Variants in RPTOR observed in about 807,000 individuals in gnomAD.
RPTOR encodes the protein regulatory associated protein of MTOR complex 1.
RPTOR carries 21 observed loss-of-function variants against 169.9 expected under a neutral mutation model. That is an observed-to-expected ratio of 0.12 (90% CI 0.09 to 0.18). RPTOR has a LOEUF of 0.18. Ranked by LOEUF, RPTOR falls within the 10% of genes least tolerant of loss-of-function variation. The pLI is 1.00. For synonymous variants in RPTOR, 732 were observed against 753.2 expected (o/e 0.97, Z 0.46); for missense variants, 1,133 against 1,855.9 (o/e 0.61, Z 7.16).
intron 21 of RPTOR, among the ~76,000 whole-genome samples, chr17:80,917,064 C>G (rs1181222433): frequency 6.6e-6 from 1 of 151,858 alleles, no homozygotes; most frequent in Admixed American, 6.6e-5. Context: ...CATCCTAAGC[C>G]TGATGCCTGG....
intron 7 of RPTOR, among the ~76,000 whole-genome samples, chr17:80,808,048 G>A (rs1260813172): frequency 6.6e-6 from 1 of 152,024 alleles, no homozygotes. Context: ...TAATCTTAAT[G>A]CTTTGGAAAG....
intron 1 of RPTOR, among the ~76,000 whole-genome samples, chr17:80,592,963 T>G (rs149355239): frequency 1.3e-4 from 20 of 152,296 alleles, no homozygotes; most frequent in African/African-American, 4.6e-4. Context: ...CATGATAGCC[T>G]CATAACTGGC....
intron 2 of RPTOR, among the ~76,000 whole-genome samples, chr17:80,637,308 C>T (rs1037890739): frequency 6.6e-6 from 1 of 152,192 alleles, no homozygotes; most frequent in Non-Finnish European, 1.5e-5. Context: ...CCGGATGAAG[C>T]CTGGGGCTGT....
rs1198083971 is a variant in RPTOR, at chr17:80,634,677, TGTGTGCGTACTGTGTGC to T, written c.265+8901_265+8917del. Among the ~76,000 whole-genome samples the T allele has an allele frequency of 1.3e-3, 156 of 123,592 alleles. 11 individuals are homozygous for T. Among genetic ancestry groups the T allele is most frequent in the East Asian group, 4.1e-3 (17 of 4,154 alleles). 81.1% of individuals were successfully genotyped at this position (123,592 alleles called of 152,430 possible). ...GTGCGTACTGTGTGTGTGCGTACTG[TGTGTGCGTACTGTGTGC>T]GTGTGCGTACTGTGTGTGTGCGTAC... is the stretch of plus-strand genomic sequence containing the variant. On this transcript the variant is annotated intron_variant, in intron 2 of 33. Coordinates refer to ENST00000306801, the MANE Select transcript of RPTOR (RefSeq NM_020761.3).
At chr17:80,588,506 G>C (rs952209104) in intron 1 of RPTOR, among the ~76,000 whole-genome samples, 1 of 152,082 alleles carries the variant, frequency 6.6e-6, no homozygotes, top group Non-Finnish European at 1.5e-5. Flanking sequence ...TCCATATCTC[G>C]GCTATTGTGA....
intron 6 of RPTOR, among the ~76,000 whole-genome samples, chr17:80,767,324 T>C (rs2066797934): frequency 6.6e-6 from 1 of 152,150 alleles, no homozygotes; most frequent in Non-Finnish European, 1.5e-5. Context: ...AGTGCAGTGA[T>C]CACGTCACTG....
At chr17:80,868,068 T>A (rs1422838499) in intron 13 of RPTOR, among the ~76,000 whole-genome samples, 34 of 152,066 alleles carry the variant, frequency 2.2e-4, no homozygotes, top group Admixed American at 2.2e-3. Flanking sequence ...AAACAGATAA[T>A]GGAACAGGAA....
At chr17:80,713,718 G>A (rs2066216311) in intron 4 of RPTOR, among the ~76,000 whole-genome samples, 1 of 152,122 alleles carries the variant, frequency 6.6e-6, no homozygotes, top group Admixed American at 6.5e-5. Context: ...ATGATAAAGA[G>A]GGCCATTTCC....
intron 3 of RPTOR, among the ~76,000 whole-genome samples, chr17:80,644,965 G>C (rs1477820882): frequency 6.6e-6 from 1 of 152,180 alleles, no homozygotes; most frequent in Admixed American, 6.5e-5. Context: ...GTTCTTGACT[G>C]ATGCCTAATG....
At position 80,949,433 on chromosome 17, in the gene RPTOR, C is replaced by A; in HGVS notation, c.3266-10C>A. 1 of 1,609,990 alleles carries A rather than the reference C, an allele frequency of 6.2e-7. No homozygotes were observed. The highest frequency in any genetic ancestry group is 8.5e-7 in the Non-Finnish European group (1 of 1,176,198). ...GCCTGGTTCACATCCTTTCCTCTCT[C>A]CCTCCCCAGACGATGGTGCCATCAG... On this transcript the variant is annotated splice_polypyrimidine_tract_variant and intron_variant, in intron 27 of 33. Transcript: ENST00000306801.
intron 12 of RPTOR, among the ~76,000 whole-genome samples, chr17:80,857,379 C>G (rs1489239404): frequency 6.6e-6 from 1 of 150,844 alleles, no homozygotes; most frequent in East Asian, 1.9e-4. Flanking sequence ...GAGAGGTGGC[C>G]ATGCCGTCAC....
chr17:80,966,136 C>G lies in RPTOR; in HGVS notation c.*1806C>G, dbSNP rs2069428454. The G allele has an allele frequency of 1.8e-5, 4 of 226,266 alleles. No homozygotes were observed. The highest frequency in any genetic ancestry group is 1.1e-4 in the Admixed American group (2 of 17,454). 14.0% of individuals were successfully genotyped at this position (226,266 alleles called of 1,614,324 possible). Reference sequence around the variant, plus strand: ...GTCAAGACCCCCCCCCGCCCCCGCTCCACCCTGGAGCCCACCCCCATGGGC... The same window carrying G: ...GTCAAGACCCCCCCCCGCCCCCGCTGCACCCTGGAGCCCACCCCCATGGGC... On this transcript the variant is annotated 3_prime_UTR_variant, in exon 34 of 34. Coordinates refer to ENST00000306801, the MANE Select transcript of RPTOR (RefSeq NM_020761.3).
chr17:80,821,190 G>A (rs1018852762), intron 7 of RPTOR, among the ~76,000 whole-genome samples: 4 of 152,216 alleles, frequency 2.6e-5, no homozygotes, highest in East Asian at 3.9e-4. Context: ...AGGGTGAGGC[G>A]GGAGGATCCC....
At chr17:80,610,219 C>T (rs2065260337) in intron 1 of RPTOR, among the ~76,000 whole-genome samples, 1 of 152,066 alleles carries the variant, frequency 6.6e-6, no homozygotes, top group African/African-American at 2.4e-5. Flanking sequence ...ATTTGTTCAT[C>T]TTTACCACAT....
chr17:80,831,723 G>T (rs1567936792), intron 9 of RPTOR, among the ~76,000 whole-genome samples: 1 of 151,926 alleles, frequency 6.6e-6, no homozygotes, highest in East Asian at 1.9e-4. Flanking sequence ...GTATCCCTGT[G>T]TGTCACTGTG....
intron 1 of RPTOR, among the ~76,000 whole-genome samples, chr17:80,555,486 G>C (rs539576076): frequency 2.0e-5 from 3 of 152,304 alleles, no homozygotes; most frequent in African/African-American, 7.2e-5. Flanking sequence ...TGTCCACTCT[G>C]TCTGGCAAGG....
Position 80,940,478 on chromosome 17 carries a change from T to C in RPTOR, c.2920-18T>C, listed in dbSNP as rs752306323. On this transcript the variant is annotated intron_variant, in intron 24 of 33. Transcript: ENST00000306801. ...TGTTTCATCGCTGGGCTTAACTGGG[T>C]GTTTTCTGTTGTTGAAGATCCCAGA... is the stretch of plus-strand genomic sequence containing the variant. 1 of 1,605,348 alleles carries C rather than the reference T, an allele frequency of 6.2e-7. No homozygotes were observed. The highest frequency in any genetic ancestry group is 1.1e-5 in the South Asian group (1 of 90,144).
chr17:80,922,597 G>A (rs2068758660), intron 21 of RPTOR, 127 bp from the exon 22 acceptor site: 2 of 749,220 alleles, frequency 2.7e-6, no homozygotes, highest in African/African-American at 3.5e-5. Flanking sequence ...CATTGGTGTT[G>A]GTGCTTCCTC....
rs568895358 is a variant in RPTOR at position 80,789,564 on chromosome 17, C to T, written c.831-1886C>T. Among the ~76,000 whole-genome samples, 62 of 152,302 alleles carry T rather than the reference C, an allele frequency of 4.1e-4. 1 individual carries two copies. The South Asian group carries it at 0.011, about 28-fold the overall frequency. ...TGCGTGCCCTTCAGGAGCCAGCCTC[C>T]GACTCGGGGAAGGTTTACATGAGGG... is the stretch of plus-strand genomic sequence containing the variant. On this transcript the variant is annotated intron_variant, in intron 6 of 33. Coordinates refer to ENST00000306801, the MANE Select transcript of RPTOR (RefSeq NM_020761.3).
Sources: gnomAD v4.1 joint callset for allele counts (sites outside exome capture counted in the v4.1 genomes callset) on GRCh38, gnomAD v4.1.1 for gene constraint, MANE v1.5 for transcripts, NCBI Gene and HGNC (gene_info 2026-07-23, HGNC 2026-07-21) for gene names.